GRAMD1A: variants seen among roughly 807,000 people sequenced by gnomAD.
GRAMD1A encodes protein Aster-A.
Under a neutral mutation model 92.0 loss-of-function variants are expected in GRAMD1A, and 50 were observed. The observed-to-expected ratio is 0.54, with a 90% CI of 0.43 to 0.69. The LOEUF (loss-of-function observed/expected upper bound fraction) is 0.69. Among genes scored for constraint, GRAMD1A ranks in the 30% least tolerant of loss-of-function variants. The pLI is 0.00. For missense variants in GRAMD1A, 819 were observed against 978.9 expected, an observed-to-expected ratio of 0.84 and a Z score of 2.18; for synonymous variants, 405 against 403.6, an observed-to-expected ratio of 1.00 and a Z score of -0.04.
chr19:35,013,376 G>A lies in GRAMD1A; in HGVS notation c.719+8G>A. The A allele has an allele frequency of 6.6e-7, 1 of 1,523,124 alleles. No individual in the cohort carries two copies. Among genetic ancestry groups the A allele is most frequent in the Non-Finnish European group, 9.0e-7 (1 of 1,116,154 alleles). 94.4% of individuals were successfully genotyped at this position (1,523,124 alleles called of 1,614,324 possible). A position where few individuals can be genotyped will look rare whatever the true frequency, so the allele number is the denominator to read the frequency against. Reference sequence around the variant, plus strand: ...GCAGCTGAACGGTCTGGGGTGAGTTGGAGGTCAAAGGAGGTTGAAGGGTTC... The same window carrying A: ...GCAGCTGAACGGTCTGGGGTGAGTTAGAGGTCAAAGGAGGTTGAAGGGTTC... On this transcript the variant is annotated splice_region_variant and intron_variant, in intron 8 of 19. Coordinates refer to ENST00000317991, the MANE Select transcript of GRAMD1A (RefSeq NM_020895.5). This position sits in a 1 kb window ranked among gnomAD's most constrained non-coding sequence, Gnocchi z 4.9.
chr19:35,021,591 A>G lies in GRAMD1A; in HGVS notation c.1565A>G (p.Tyr522Cys). The G allele has an allele frequency of 6.2e-7, 1 of 1,613,934 alleles. No homozygotes were observed. Among genetic ancestry groups the G allele is most frequent in the Non-Finnish European group, 8.5e-7 (1 of 1,179,822 alleles). ...EKNSWSGIED[Y>C]FHHLERELAK... The stretch of plus-strand genomic sequence containing the variant: ...AACTCGTGGAGCGGCATTGAAGACT[A>G]TTTCCACCATCTGGGTAGGGACAGA... The change falls in exon 14 of 20, where the codon TAT becomes TGT. Residue 522 changes from tyrosine to cysteine, a missense_variant. This residue lies in a region of GRAMD1A where 577 missense variants were observed against 674.6 expected (regional missense o/e 0.86). Transcript: ENST00000317991. The surrounding 1 kb of genome is among the most constrained non-coding windows in gnomAD (Gnocchi z 5.3).
rs1396605433 is a variant in GRAMD1A at position 35,019,460 on chromosome 19, C to A, written c.1402C>A (p.Pro468Thr). ...VDSEVLTQGI[P>T]YQDYFYTAHR... ...CTCCGAGGTGCTGACGCAGGGCATC[C>A]CCTACCAGGACTACTTCTACACTGC... Residue 468 changes from proline to threonine, a missense_variant, in exon 13 of 20, where the codon CCC becomes ACC. Pro to Thr is a conservative substitution (Grantham distance 38). This residue lies in a region of GRAMD1A where 577 missense variants were observed against 674.6 expected (regional missense o/e 0.86). Transcript: ENST00000317991. 6.2e-7 allele frequency: 1 copy of A among 1,613,878 alleles called. No homozygotes were observed. Among genetic ancestry groups the A allele is most frequent in the Admixed American group, 1.7e-5 (1 of 60,024 alleles).
At chr19:34,996,031 T>C (rs1223295217), upstream of GRAMD1A, 3 of 1,534,210 alleles carry the variant, frequency 2.0e-6, no homozygotes, top group East Asian at 2.4e-5. Context: ...CCATGGATGA[T>C]GTCCTGCCCC....
At chr19:35,010,492 C>T (rs1454241555) in intron 6 of GRAMD1A, 113 bp downstream of exon 6, 2 of 730,008 alleles carry the variant, frequency 2.7e-6, no homozygotes, top group Non-Finnish European at 2.4e-6. Context: ...GAGCTGTCCC[C>T]TTCTCTCTGT....
chr19:34,998,717 C>A (rs528219882), upstream of GRAMD1A: 124 of 150,722 alleles, frequency 8.2e-4, 1 homozygote, highest in African/African-American at 2.9e-3. Flanking sequence ...GAGGGCCTCT[C>A]TTCCATTGGC....
In GRAMD1A at chr19:35,023,277, G is replaced by T. The variant is rs755406863; in HGVS notation, c.1895G>T (p.Arg632Leu). The change falls in exon 18 of 20, where the codon CGC becomes CTC. Residue 632 changes from arginine to leucine, a missense_variant. Arg to Leu is a moderately radical substitution (Grantham distance 102). Transcript: ENST00000317991. ...GCCCTCAACGTCCTGCTCTTCTACC[G>T]CCTCTGGTCCCTGGAAAGGACAGCC... Reference protein sequence around the residue: ...LIALNVLLFYRLWSLERTAHT... With the variant: ...LIALNVLLFYLLWSLERTAHT... 1 of 1,614,102 alleles carries T rather than the reference G, an allele frequency of 6.2e-7. No homozygotes were observed. Among genetic ancestry groups the T allele is most frequent in the Non-Finnish European group, 8.5e-7 (1 of 1,179,962 alleles).
chr19:35,014,094 T>C lies in GRAMD1A; in HGVS notation c.871-95T>C, dbSNP rs1310784950. 3 of 1,204,544 alleles carry C rather than the reference T, an allele frequency of 2.5e-6. No individual in the cohort carries two copies. In the East Asian group the frequency reaches 7.2e-5, roughly 29 times the overall value. The allele number at this position is 1,204,544 out of a possible 1,614,324, so 74.6% of individuals were successfully genotyped here. A position where few individuals can be genotyped will look rare whatever the true frequency, so the allele number is the denominator to read the frequency against. On this transcript the variant is annotated intron_variant, in intron 9 of 19. Coordinates refer to ENST00000317991, the MANE Select transcript of GRAMD1A (RefSeq NM_020895.5). ...CTCGGTGCACACACCACCCCGGGTC[T>C]GCACAGGCTCTGGAATCCTTGTGGC...
chr19:34,996,228 C>T (rs1568310519), upstream of GRAMD1A: 4 of 1,535,720 alleles, frequency 2.6e-6, no homozygotes, highest in Non-Finnish European at 2.6e-6. Flanking sequence ...CCCGCCTGCA[C>T]CCCAACCCCC....
chr19:35,024,627 TC>T (rs1235081469), intron 19 of GRAMD1A, among the ~76,000 whole-genome samples: 1 of 151,824 alleles, frequency 6.6e-6, no homozygotes, highest in African/African-American at 2.4e-5. Flanking sequence ...ATTGGACCCT[TC>T]CATATCAGAA....
chr19:34,997,402 A>AAAAAG (rs1176059903), upstream of GRAMD1A, among the ~76,000 whole-genome samples: 4 of 151,304 alleles, frequency 2.6e-5, no homozygotes, highest in South Asian at 4.2e-4. Flanking sequence ...AAAAAAAAAA[A>AAAAAG]AAGAAGAAGA....
chr19:35,014,539 T>C (rs957087017), intron 10 of GRAMD1A, 152 bp downstream of exon 10: 1 of 693,334 alleles, frequency 1.4e-6, no homozygotes. Flanking sequence ...CTGTCTTTAC[T>C]CTGTTTTGAA....
chr19:35,017,133 C>T (rs1414125675), intron 11 of GRAMD1A, among the ~76,000 whole-genome samples: 2 of 151,694 alleles, frequency 1.3e-5, no homozygotes, highest in African/African-American at 4.8e-5. Flanking sequence ...CAAGATCATG[C>T]CACTGCACCT....
Position 35,021,439 on chromosome 19 carries a change from G to A in GRAMD1A, c.1476-63G>A, listed in dbSNP as rs1430582756. 8.1e-7 allele frequency: 1 copy of A among 1,230,324 alleles called. No individual in the cohort carries two copies. The highest frequency in any genetic ancestry group is 1.2e-6 in the Non-Finnish European group (1 of 831,858). The allele number at this position is 1,230,324 out of a possible 1,614,324, so 76.2% of individuals were successfully genotyped here. ...AGGGGAAGGAAAAAACTCAGCTTGT[G>A]GGACGGGGCAGCCAGGGCTGGAGTC... On this transcript the variant is annotated intron_variant, in intron 13 of 19. Transcript: ENST00000317991. The surrounding 1 kb of genome is among the most constrained non-coding windows in gnomAD (Gnocchi z 5.3).
intron 1 of GRAMD1A, among the ~76,000 whole-genome samples, chr19:35,008,329 TTAAAA>T (rs906346285): frequency 5.9e-5 from 9 of 151,752 alleles, no homozygotes; most frequent in South Asian, 2.1e-4. Context: ...AGATTCCGTC[TTAAAA>T]TAAAATAAAA....
At chr19:34,999,144 C>G (rs543885822), upstream of GRAMD1A, among the ~76,000 whole-genome samples, 257 of 152,126 alleles carry the variant, frequency 1.7e-3, 1 homozygote, top group African/African-American at 6.1e-3. Context: ...AGGATGGAGG[C>G]TGGGCCAGGG....
chr19:35,019,489 C>T lies in GRAMD1A; in HGVS notation c.1431C>T (p.His477=). The change falls in exon 13 of 20, where the codon CAC becomes CAT. Residue 477 remains histidine (H), a synonymous_variant. Coordinates refer to ENST00000317991, the MANE Select transcript of GRAMD1A (RefSeq NM_020895.5). ...IPYQDYFYTA[H]RYCILGLARN... Reference sequence around the variant, plus strand: ...ACCAGGACTACTTCTACACTGCCCACCGCTACTGCATCCTGGGTCTGGCCC... The same window carrying T: ...ACCAGGACTACTTCTACACTGCCCATCGCTACTGCATCCTGGGTCTGGCCC... 2 of 1,614,058 alleles carry T rather than the reference C, an allele frequency of 1.2e-6. No individual in the cohort carries two copies. Among genetic ancestry groups the T allele is most frequent in the Non-Finnish European group, 8.5e-7 (1 of 1,179,942 alleles).
chr19:35,023,146 G>T (rs769150295), intron 17 of GRAMD1A, 90 bp from the exon 18 acceptor site: 1 of 934,058 alleles, frequency 1.1e-6, no homozygotes, highest in Non-Finnish European at 1.8e-6. Context: ...CTGCAATGGG[G>T]GATAGAGGTG....
chr19:35,024,662 GC>G (rs1445891861), intron 19 of GRAMD1A, among the ~76,000 whole-genome samples: 1 of 151,964 alleles, frequency 6.6e-6, no homozygotes, highest in Non-Finnish European at 1.5e-5. Context: ...GGGTCTCATT[GC>G]CCCCCGAAAT....
upstream of GRAMD1A, chr19:34,996,268 C>T (rs1007729597): frequency 1.4e-5 from 21 of 1,533,238 alleles, no homozygotes; most frequent in African/African-American, 2.2e-4. Context: ...GGATGCCAGA[C>T]CCGCAGAGTC....
Sources: gnomAD v4.1 joint callset for allele counts (sites outside exome capture counted in the v4.1 genomes callset) on GRCh38, gnomAD v4.1.1 for gene constraint, gnomAD v4.1.1 regional missense constraint, Gnocchi (gnomAD v3.1) non-coding constraint, MANE v1.5 for transcripts, NCBI Gene and HGNC (gene_info 2026-07-23, HGNC 2026-07-21) for gene names.